CHRM3: variants seen among roughly 807,000 people sequenced by gnomAD.
CHRM3 encodes cholinergic receptor muscarinic 3.
In CHRM3, 11 loss-of-function variants were observed where a neutral mutation model predicts 41.8. The ratio of observed to expected loss-of-function variants is 0.26; its 90% CI spans 0.17 to 0.44. The LOEUF (loss-of-function observed/expected upper bound fraction) is 0.44, where lower values mean the gene tolerates loss of function less well. Among genes scored for constraint, CHRM3 ranks in the 20% least tolerant of loss-of-function variants. The pLI, the probability that CHRM3 is intolerant of heterozygous loss-of-function variation, is 1.00. For missense variants in CHRM3, 571 were observed against 745.4 expected (o/e 0.77, Z 2.72); for synonymous variants, 297 against 301.4 (o/e 0.99, Z 0.15).
intron 4 of CHRM3, among the ~76,000 whole-genome samples, chr1:239,673,259 G>A (rs924621016): frequency 6.6e-6 from 1 of 152,166 alleles, no homozygotes; most frequent in African/African-American, 2.4e-5. Flanking sequence ...GAGGGAAGGT[G>A]AGAAGGTGAA....
intron 2 of CHRM3, among the ~76,000 whole-genome samples, chr1:239,537,898 C>G (rs1558300980): frequency 6.6e-6 from 1 of 152,182 alleles, no homozygotes; most frequent in African/African-American, 2.4e-5. Flanking sequence ...CTTTGAAACT[C>G]AGTCTATATG....
chr1:239,908,866 G>A lies in CHRM3; in HGVS notation c.1415G>A (p.Arg472Lys), dbSNP rs760141928. ...GCCAAGAGGTTTGCTCTGAAGACCA[G>A]AAGTCAGATCACTAAGCGGAAAAGG... is the stretch of plus-strand genomic sequence containing the variant. ...TLAKRFALKTRSQITKRKRMS... is the reference protein window; with the variant it reads ...TLAKRFALKTKSQITKRKRMS... The change falls in exon 7 of 7, where the codon AGA (arginine) becomes AAA (lysine). Residue 472 changes from arginine (R) to lysine (K), a missense_variant. This residue lies in a region of CHRM3 where 239 missense variants were observed against 239.6 expected (regional missense o/e 1.00). Transcript: ENST00000676153. This position sits in a 1 kb window ranked among gnomAD's most constrained non-coding sequence, Gnocchi z 7.2. 1.2e-6 allele frequency: 2 copies of A among 1,614,146 alleles called. No homozygotes were observed. Among genetic ancestry groups the A allele is most frequent in the East Asian group, 2.2e-5 (1 of 44,850 alleles).
At position 239,827,375 on chromosome 1, in the gene CHRM3, G is replaced by A. The variant is rs1168627617; in HGVS notation, c.-23G>A. On this transcript the variant is annotated 5_prime_UTR_variant, in exon 6 of 7. Transcript: ENST00000676153. ...TTGTTACATAACTCAGTTCCTGGTAGATTGTAAGTACACAGAAGGCATTTT... is the reference window on the plus strand; with the variant it reads ...TTGTTACATAACTCAGTTCCTGGTAAATTGTAAGTACACAGAAGGCATTTT... 6.6e-6 allele frequency: 1 copy of A among 152,196 alleles called. No individual in the cohort carries two copies. The highest frequency in any genetic ancestry group is 1.5e-5 in the Non-Finnish European group (1 of 68,038). The allele number at this position is 152,196 out of a possible 1,614,324, so 9.4% of individuals were successfully genotyped here. A position where few individuals can be genotyped will look rare whatever the true frequency, so the allele number is the denominator to read the frequency against.
intron 3 of CHRM3, among the ~76,000 whole-genome samples, chr1:239,628,575 C>T (rs1161756568): frequency 2.8e-5 from 2 of 71,244 alleles, no homozygotes; most frequent in Non-Finnish European, 4.9e-5. Context: ...GGAGGAGAGG[C>T]GCTCTGTGTT....
chr1:239,562,652 G>C lies in CHRM3; in HGVS notation c.-313+16903G>C, dbSNP rs570766191. The stretch of plus-strand genomic sequence containing the variant: ...CGCCCATAATCCCAGCGCTTTGGGA[G>C]GCTAAGGCAGGTAGATCATGAGGTC... On this transcript the variant is annotated intron_variant, in intron 3 of 6. Transcript: ENST00000676153. Among the ~76,000 whole-genome samples, 29 of 152,148 alleles carry C rather than the reference G, an allele frequency of 1.9e-4. 1 individual carries two copies. The East Asian group carries it at 5.6e-3, about 29-fold the overall frequency.
At chr1:239,847,387 T>A (rs1054137012) in intron 6 of CHRM3, among the ~76,000 whole-genome samples, 1 of 152,188 alleles carries the variant, frequency 6.6e-6, no homozygotes, top group Non-Finnish European at 1.5e-5. Context: ...CTAAAATAGA[T>A]CTTCAAAATA....
intron 6 of CHRM3, among the ~76,000 whole-genome samples, chr1:239,865,141 GAGA>G (rs1420074868): frequency 1.3e-5 from 2 of 152,170 alleles, no homozygotes; most frequent in Admixed American, 6.5e-5. Flanking sequence ...GCAGTCCAAA[GAGA>G]AGGAGGAATC....
intron 1 of CHRM3, among the ~76,000 whole-genome samples, chr1:239,389,547 T>C (rs1449179819): frequency 6.6e-6 from 1 of 152,236 alleles, no homozygotes; most frequent in Admixed American, 6.5e-5. Flanking sequence ...CTTTTAATGA[T>C]ATTTTAGCCT....
chr1:239,888,292 G>C (rs1026378189), intron 6 of CHRM3, among the ~76,000 whole-genome samples: 2 of 151,642 alleles, frequency 1.3e-5, no homozygotes, highest in Admixed American at 6.6e-5. Flanking sequence ...ACCTGAGCCT[G>C]AGGAGGTTGA....
intron 3 of CHRM3, among the ~76,000 whole-genome samples, chr1:239,593,727 G>A (rs1664459842): frequency 6.6e-6 from 1 of 152,174 alleles, no homozygotes; most frequent in South Asian, 2.1e-4. Context: ...GGCTCAGGGA[G>A]AGCAGAAGTC....
chr1:239,449,338 A>G (rs60375200), intron 1 of CHRM3, among the ~76,000 whole-genome samples: 2,912 of 152,300 alleles, frequency 0.019, 73 homozygotes, highest in African/African-American at 0.066. Context: ...AAGTCTTTTT[A>G]AAGGAAAGTG....
chr1:239,524,043 C>A (rs1669829949), intron 2 of CHRM3, among the ~76,000 whole-genome samples: 1 of 152,098 alleles, frequency 6.6e-6, no homozygotes, highest in South Asian at 2.1e-4. Flanking sequence ...AAATTTAATA[C>A]CACATTTCTC....
intron 6 of CHRM3, among the ~76,000 whole-genome samples, chr1:239,839,542 C>T (rs1446583197): frequency 6.6e-6 from 1 of 152,178 alleles, no homozygotes. Context: ...ATCCATGGAA[C>T]ATGTTTTGGC....
intron 5 of CHRM3, among the ~76,000 whole-genome samples, chr1:239,727,136 A>G (rs780860237): frequency 4.0e-5 from 6 of 151,874 alleles, no homozygotes; most frequent in African/African-American, 4.8e-5. Context: ...AGCACTAACA[A>G]TGTGCTTGAC....
At position 239,593,476 on chromosome 1, in the gene CHRM3, C is replaced by CT. The variant is rs548998463; in HGVS notation, c.-312-38743dup. Among the ~76,000 whole-genome samples the CT allele has an allele frequency of 5.9e-3, 271 of 45,868 alleles. 1 individual carries two copies. Among genetic ancestry groups the CT allele is most frequent in the South Asian group, 0.038 (54 of 1,404 alleles). The allele number at this position is 45,868 out of a possible 152,430, so 30.1% of individuals were successfully genotyped here. ...ATTTATTTCTTACGTTAGACCATTTCTTTTTAAAAAAAAAAAACTCAAATA... is the reference window on the plus strand; with the variant it reads ...ATTTATTTCTTACGTTAGACCATTTCTTTTTTAAAAAAAAAAAACTCAAATA... On this transcript the variant is annotated intron_variant, in intron 3 of 6. Transcript: ENST00000676153.
intron 4 of CHRM3, among the ~76,000 whole-genome samples, chr1:239,662,447 A>G (rs931302711): frequency 1.3e-5 from 2 of 152,188 alleles, no homozygotes; most frequent in Admixed American, 1.3e-4. Context: ...GCATTCATTT[A>G]TCGGTATTTC....
intron 2 of CHRM3, among the ~76,000 whole-genome samples, chr1:239,509,441 C>A (rs1668782003): frequency 6.6e-6 from 1 of 152,128 alleles, no homozygotes; most frequent in South Asian, 2.1e-4. Flanking sequence ...ATGCATGTGA[C>A]TCCAGGATAA....
intron 5 of CHRM3, among the ~76,000 whole-genome samples, chr1:239,792,990 C>G (rs1044912471): frequency 6.6e-5 from 10 of 152,184 alleles, no homozygotes; most frequent in Admixed American, 6.5e-4. Context: ...CCTGGCAGTC[C>G]TTTGATGCTA....
At chr1:239,542,176 G>T (rs932688058) in intron 2 of CHRM3, among the ~76,000 whole-genome samples, 1 of 152,082 alleles carries the variant, frequency 6.6e-6, no homozygotes, top group African/African-American at 2.4e-5. Context: ...AGACAGATAC[G>T]CAAACAGATA....
Sources: allele counts gnomAD v4.1 joint callset (sites outside exome capture counted in the v4.1 genomes callset), GRCh38; gene constraint gnomAD v4.1.1; regional missense constraint gnomAD v4.1.1; non-coding constraint Gnocchi (gnomAD v3.1); transcripts MANE v1.5; gene names NCBI Gene and HGNC (gene_info 2026-07-23, HGNC 2026-07-21).